Variants in PARD3B observed in about 807,000 individuals in gnomAD.
The protein encoded by PARD3B is partitioning defective 3 homolog B.
In PARD3B, 103 loss-of-function variants were observed where a neutral mutation model predicts 130.2. That is an observed-to-expected ratio of 0.79 (90% confidence interval 0.67 to 0.93). PARD3B has a LOEUF of 0.93. Among genes scored for constraint, PARD3B ranks in the 40% least tolerant of loss-of-function variants. The probability of loss-of-function intolerance (pLI) is 0.00; values close to 1 mark genes in which losing one functional copy is unlikely to be tolerated. For missense variants in PARD3B, 1,609 were observed against 1,499.2 expected (o/e 1.07, Z -1.21); for synonymous variants, 583 against 553.2 (o/e 1.05, Z -0.76).
chr2:204,781,234 C>G (rs1280840199), intron 2 of PARD3B, among the ~76,000 whole-genome samples: 1 of 151,984 alleles, frequency 6.6e-6, no homozygotes, highest in Non-Finnish European at 1.5e-5. Context: ...TTTAATCTGC[C>G]TTTTAGCTCA....
At chr2:205,037,448 A>G (rs959356302) in intron 3 of PARD3B, among the ~76,000 whole-genome samples, 6 of 147,982 alleles carry the variant, frequency 4.1e-5, no homozygotes, top group Admixed American at 3.4e-4. Context: ...TGCATAAAAT[A>G]TATATGGTGG....
chr2:205,376,099 C>T (rs1343601227), intron 18 of PARD3B, among the ~76,000 whole-genome samples: 3 of 152,102 alleles, frequency 2.0e-5, no homozygotes, highest in Non-Finnish European at 4.4e-5. Context: ...GGGCACTGTT[C>T]CAAGGACTTT....
rs113833323 is a variant in PARD3B, at chr2:205,254,673, T to TA, written c.2185+8851_2185+8852insA. Among the ~76,000 whole-genome samples the TA allele has an allele frequency of 1.4e-3, 217 of 151,188 alleles. 1 individual carries two copies. Among genetic ancestry groups the TA allele is most frequent in the African/African-American group, 5.1e-3 (208 of 40,964 alleles). Reference sequence around the variant, plus strand: ...TTCAGTATTTTATTTTATTTTATTTTTTTTTTTTGAGATGGAGTCTCGCTC... The same window carrying TA: ...TTCAGTATTTTATTTTATTTTATTTTATTTTTTTTGAGATGGAGTCTCGCTC... On this transcript the variant is annotated intron_variant, in intron 16 of 22. Coordinates refer to ENST00000406610, the MANE Select transcript of PARD3B (RefSeq NM_001302769.2).
intron 1 of PARD3B, among the ~76,000 whole-genome samples, chr2:204,552,198 G>A (rs973619366): frequency 7.2e-5 from 11 of 152,294 alleles, no homozygotes; most frequent in African/African-American, 2.6e-4. Context: ...ACTCAGTTCT[G>A]TTGAGAACTT....
chr2:205,202,342 A>G (rs1559537698), intron 15 of PARD3B, among the ~76,000 whole-genome samples: 1 of 152,212 alleles, frequency 6.6e-6, no homozygotes, highest in East Asian at 1.9e-4. Context: ...TGTCAAGGAC[A>G]TGCTTTTCAT....
chr2:205,183,994 G>GA lies in PARD3B; in HGVS notation c.1925-1764dup, dbSNP rs143593881. Among the ~76,000 whole-genome samples the GA allele has an allele frequency of 0.11, 16,361 of 152,068 alleles. 1,139 individuals are homozygous for GA. The highest frequency in any genetic ancestry group is 0.14 in the Non-Finnish European group (9,518 of 67,974). ...ATGTTTCCGTTTGGGTCTGAAGATA[G>GA]AAAAAAGCCAATGTCCCATGTCAAA... is the stretch of plus-strand genomic sequence containing the variant. On this transcript the variant is annotated intron_variant, in intron 13 of 22. Transcript: ENST00000406610. This position sits in a 1 kb window ranked among gnomAD's most constrained non-coding sequence, Gnocchi z 5.2.
rs553541736 is a variant in PARD3B at position 205,599,977 on chromosome 2, G to A, written c.3261-15479G>A. On this transcript the variant is annotated intron_variant, in intron 22 of 22. Coordinates refer to ENST00000406610, the MANE Select transcript of PARD3B (RefSeq NM_001302769.2). ...GTGATGTCCTCAAAATTTCTTCAAA[G>A]TTGGTAAGCAACTGGCTATAGAATT... Among the ~76,000 whole-genome samples the A allele has an allele frequency of 2.0e-5, 3 of 152,282 alleles. No homozygotes were observed. In the East Asian group the frequency reaches 5.8e-4, roughly 29 times the overall value.
At chr2:205,126,616 G>T (rs1324645966) in intron 10 of PARD3B, among the ~76,000 whole-genome samples, 2 of 151,302 alleles carry the variant, frequency 1.3e-5, no homozygotes, top group Admixed American at 6.6e-5. Context: ...CGCGGTGGCG[G>T]GCACCTGTAG....
At chr2:204,648,407 G>T (rs564259847) in intron 1 of PARD3B, among the ~76,000 whole-genome samples, 1 of 149,858 alleles carries the variant, frequency 6.7e-6, no homozygotes, top group African/African-American at 2.4e-5. Flanking sequence ...GTTGTTTCCA[G>T]TTTTTTTGCC....
Position 205,225,068 on chromosome 2 carries a change from G to A in PARD3B, c.2141-20710G>A, listed in dbSNP as rs907156202. 6.6e-5 allele frequency among the ~76,000 whole-genome samples: 10 copies of A among 152,248 alleles called. No homozygotes were observed. In the East Asian group the frequency reaches 9.7e-4, roughly 15 times the overall value. ...TTGTGAATAGTGCTGCAATAAACAT[G>A]GGAGTGAAGATATCTCTTTGATATA... is the stretch of plus-strand genomic sequence containing the variant. On this transcript the variant is annotated intron_variant, in intron 15 of 22. Coordinates refer to ENST00000406610, the MANE Select transcript of PARD3B (RefSeq NM_001302769.2).
intron 3 of PARD3B, among the ~76,000 whole-genome samples, chr2:204,984,126 A>C (rs1692926126): frequency 6.6e-6 from 1 of 151,950 alleles, no homozygotes; most frequent in Non-Finnish European, 1.5e-5. Flanking sequence ...AATCAAAATT[A>C]TATATATATT....
At chr2:204,836,661 C>T (rs1016445455) in intron 2 of PARD3B, among the ~76,000 whole-genome samples, 17 of 151,512 alleles carry the variant, frequency 1.1e-4, no homozygotes, top group African/African-American at 3.6e-4. Flanking sequence ...ACTCCATCTC[C>T]GAAAAAATAA....
intron 1 of PARD3B, among the ~76,000 whole-genome samples, chr2:204,681,394 C>G (rs933791830): frequency 4.6e-5 from 7 of 152,076 alleles, no homozygotes; most frequent in African/African-American, 7.2e-5. Context: ...AACTCCGGGT[C>G]CCATTCTAGT....
In PARD3B at chr2:204,920,942, C is replaced by T. The variant is rs187686999; in HGVS notation, c.223-44210C>T. Among the ~76,000 whole-genome samples, 110 of 152,262 alleles carry T rather than the reference C, an allele frequency of 7.2e-4. 1 individual carries two copies. The highest frequency in any genetic ancestry group is 6.8e-3 in the Middle Eastern group (2 of 294). The stretch of plus-strand genomic sequence containing the variant: ...AATGATACAAGCCATGCATAATATT[C>T]CTATATGTCCACTCACTCACTTGCA... On this transcript the variant is annotated intron_variant, in intron 2 of 22. Transcript: ENST00000406610.
At chr2:204,786,039 G>C (rs1249655354) in intron 2 of PARD3B, among the ~76,000 whole-genome samples, 2 of 151,180 alleles carry the variant, frequency 1.3e-5, no homozygotes, top group Admixed American at 6.6e-5. Flanking sequence ...ACTTGAACCC[G>C]GGAGGTGGAG....
At chr2:205,084,721 C>CT (rs1177671492) in intron 4 of PARD3B, among the ~76,000 whole-genome samples, 1 of 151,660 alleles carries the variant, frequency 6.6e-6, no homozygotes, top group Admixed American at 6.6e-5. Context: ...TTTTAGGTTT[C>CT]TTTTTGTTAT....
At chr2:205,006,668 C>G (rs1695291137) in intron 3 of PARD3B, among the ~76,000 whole-genome samples, 1 of 151,754 alleles carries the variant, frequency 6.6e-6, no homozygotes, top group African/African-American at 2.4e-5. Context: ...TATTTGTTTT[C>G]TTCTTGCTGA....
intron 2 of PARD3B, among the ~76,000 whole-genome samples, chr2:204,727,486 G>A (rs2039288738): frequency 6.6e-6 from 1 of 152,086 alleles, no homozygotes. Context: ...TCTGTGGAAT[G>A]TTTGTTCTGT....
At chr2:205,049,870 A>G (rs1312565058) in intron 4 of PARD3B, among the ~76,000 whole-genome samples, 1 of 152,172 alleles carries the variant, frequency 6.6e-6, no homozygotes, top group Admixed American at 6.6e-5. Flanking sequence ...TCCTTTCCTC[A>G]TAGTGTCCTC....
Sources: gnomAD v4.1 joint callset for allele counts (sites outside exome capture counted in the v4.1 genomes callset) on GRCh38, gnomAD v4.1.1 for gene constraint, Gnocchi (gnomAD v3.1) non-coding constraint, MANE v1.5 for transcripts, NCBI Gene and HGNC (gene_info 2026-07-23, HGNC 2026-07-21) for gene names.